The following ZNF407 variants were observed in gnomAD, a reference collection of about 807,000 sequenced individuals.
ZNF407 encodes the protein zinc finger protein 407.
A neutral mutation model predicts 131.2 loss-of-function variants in ZNF407; 17 were observed. The ratio of observed to expected loss-of-function variants is 0.13; its 90% CI spans 0.09 to 0.19. The LOEUF (loss-of-function observed/expected upper bound fraction) is 0.19. Ranked by LOEUF, ZNF407 falls within the 10% of genes least tolerant of loss-of-function variation. The probability of loss-of-function intolerance (pLI) is 1.00; values close to 1 mark genes in which losing one functional copy is unlikely to be tolerated. For synonymous variants in ZNF407, 1,156 were observed against 1,062.0 expected (o/e 1.09, Z -1.72); for missense variants, 2,681 against 2,830.6 (o/e 0.95, Z 1.20).
At chr18:74,867,770 T>C (rs1158191160) in intron 4 of ZNF407, among the ~76,000 whole-genome samples, 1 of 152,226 alleles carries the variant, frequency 6.6e-6, no homozygotes, top group Non-Finnish European at 1.5e-5. Flanking sequence ...TTTCTAGCCA[T>C]ACTATTATAT....
At chr18:74,829,765 G>C (rs1970456696) in intron 4 of ZNF407, among the ~76,000 whole-genome samples, 1 of 150,882 alleles carries the variant, frequency 6.6e-6, no homozygotes, top group African/African-American at 2.4e-5. Flanking sequence ...GAGGTTTCTG[G>C]ATCACATTTG....
chr18:74,894,993 T>A (rs900588518), intron 7 of ZNF407, among the ~76,000 whole-genome samples: 22 of 152,148 alleles, frequency 1.4e-4, no homozygotes, highest in Admixed American at 1.3e-4. Context: ...ATTTTTCTTT[T>A]TTATTCATTA....
At position 75,006,058 on chromosome 18, in the gene ZNF407, C is replaced by T. The variant is rs556837539; in HGVS notation, c.5429-57092C>T. On this transcript the variant is annotated intron_variant, in intron 8 of 8. Transcript: ENST00000299687. ...CGGTGAAATCAGACACTGAGAGAGG[C>T]ATGTCGGATGAACGGACCCTCCGTG... Among the ~76,000 whole-genome samples the T allele has an allele frequency of 1.7e-3, 257 of 152,286 alleles. 5 individuals are homozygous for T. Among genetic ancestry groups the T allele is most frequent in the African/African-American group, 5.8e-3 (241 of 41,552 alleles).
At chr18:74,854,758 T>C (rs1201044777) in intron 4 of ZNF407, among the ~76,000 whole-genome samples, 1 of 152,034 alleles carries the variant, frequency 6.6e-6, no homozygotes, top group South Asian at 2.1e-4. Flanking sequence ...TCAAGAATAA[T>C]GACAGAAACA....
intron 3 of ZNF407, among the ~76,000 whole-genome samples, chr18:74,672,909 G>A (rs1056224478): frequency 5.3e-5 from 8 of 152,114 alleles, no homozygotes; most frequent in Non-Finnish European, 1.0e-4. Context: ...GTTAGATTAT[G>A]GTATGAGAAG....
At chr18:74,773,806 T>G in intron 3 of ZNF407, among the ~76,000 whole-genome samples, 1 of 152,210 alleles carries the variant, frequency 6.6e-6, no homozygotes, top group East Asian at 1.9e-4. Context: ...ATGTATGTGT[T>G]TGTTTGTATA....
At chr18:74,930,284 C>A (rs537117675) in intron 8 of ZNF407, among the ~76,000 whole-genome samples, 1 of 152,256 alleles carries the variant, frequency 6.6e-6, no homozygotes, top group Middle Eastern at 3.4e-3. Context: ...TAAGAAAATA[C>A]CAGAAGAAAT....
At chr18:74,688,450 A>T (rs1256816709) in intron 3 of ZNF407, among the ~76,000 whole-genome samples, 1 of 152,204 alleles carries the variant, frequency 6.6e-6, no homozygotes, top group African/African-American at 2.4e-5. Context: ...ATGAATTGGG[A>T]GGCAGATCAA....
intron 8 of ZNF407, among the ~76,000 whole-genome samples, chr18:74,991,200 C>T (rs1972714673): frequency 6.6e-6 from 1 of 152,104 alleles, no homozygotes; most frequent in Non-Finnish European, 1.5e-5. Flanking sequence ...TGATAGCACG[C>T]AGATAAAACC....
At chr18:75,055,521 A>G (rs1350644842) in intron 8 of ZNF407, among the ~76,000 whole-genome samples, 1 of 152,232 alleles carries the variant, frequency 6.6e-6, no homozygotes, top group African/African-American at 2.4e-5. Flanking sequence ...CATGAAAATG[A>G]TAATATAGAC....
chr18:74,689,189 A>C (rs374908398), intron 3 of ZNF407, among the ~76,000 whole-genome samples: 10 of 152,268 alleles, frequency 6.6e-5, no homozygotes, highest in African/African-American at 2.4e-4. Context: ...GGTTTTCTGC[A>C]TACAGATCTT....
chr18:75,001,792 AT>A (rs2122160687), intron 8 of ZNF407, among the ~76,000 whole-genome samples: 1 of 152,342 alleles, frequency 6.6e-6, no homozygotes, highest in South Asian at 2.1e-4. Context: ...AGTAGGTTGT[AT>A]GTGGAATCTG....
At chr18:75,015,911 G>A (rs1973038815) in intron 8 of ZNF407, among the ~76,000 whole-genome samples, 1 of 151,898 alleles carries the variant, frequency 6.6e-6, no homozygotes, top group East Asian at 1.9e-4. Flanking sequence ...GCAAGCAATT[G>A]TTACAGTTTT....
chr18:74,624,095 A>G (rs1464157973), intron 1 of ZNF407, among the ~76,000 whole-genome samples: 1 of 152,184 alleles, frequency 6.6e-6, no homozygotes, highest in Non-Finnish European at 1.5e-5. Flanking sequence ...AAGCACTGGT[A>G]CTTTGAGAGG....
intron 8 of ZNF407, among the ~76,000 whole-genome samples, chr18:74,938,409 T>G (rs943771361): frequency 5.9e-5 from 9 of 152,252 alleles, no homozygotes; most frequent in Non-Finnish European, 1.3e-4. Context: ...TTTCCACCTA[T>G]TTCTTGACTC....
intron 3 of ZNF407, among the ~76,000 whole-genome samples, chr18:74,758,414 A>C (rs1969013132): frequency 6.6e-6 from 1 of 152,124 alleles, no homozygotes; most frequent in Non-Finnish European, 1.5e-5. Context: ...ACTTAATTTC[A>C]ATACTGTATA....
In ZNF407 at chr18:74,635,053, A is replaced by T; in HGVS notation, c.4034A>T (p.Asp1345Val). 1 of 1,613,990 alleles carries T rather than the reference A, an allele frequency of 6.2e-7. No homozygotes were observed. Among genetic ancestry groups the T allele is most frequent in the South Asian group, 1.1e-5 (1 of 91,078 alleles). Residue 1345 changes from aspartate (D) to valine (V), a missense_variant, in exon 2 of 9, where the codon GAT (aspartate) becomes GTT (valine). By Grantham distance (152) the Asp-to-Val change is radical. Transcript: ENST00000299687. The surrounding 1 kb of genome is among the most constrained non-coding windows in gnomAD (Gnocchi z 4.7). Reference sequence around the variant, plus strand: ...TATGAAACTATAATTAGTATTGATGATAAAGGGCAGGCCATGTACAGTTTT... The same window carrying T: ...TATGAAACTATAATTAGTATTGATGTTAAAGGGCAGGCCATGTACAGTTTT... ...DVYETIISID[D>V]KGQAMYSFGR...
At chr18:74,749,149 A>G (rs1366806612) in intron 3 of ZNF407, among the ~76,000 whole-genome samples, 1 of 152,154 alleles carries the variant, frequency 6.6e-6, no homozygotes, top group Non-Finnish European at 1.5e-5. Context: ...TTTGTTAGCC[A>G]TTGCCACTGT....
intron 3 of ZNF407, among the ~76,000 whole-genome samples, chr18:74,735,520 A>G (rs531191194): frequency 1.3e-5 from 2 of 152,332 alleles, no homozygotes; most frequent in African/African-American, 4.8e-5. Flanking sequence ...ATAACTGTCT[A>G]CACAATGGAC....
Sources: gnomAD v4.1 joint callset for allele counts (sites outside exome capture counted in the v4.1 genomes callset) on GRCh38, gnomAD v4.1.1 for gene constraint, Gnocchi (gnomAD v3.1) non-coding constraint, MANE v1.5 for transcripts, NCBI Gene and HGNC (gene_info 2026-07-23, HGNC 2026-07-21) for gene names.